Variants in LINGO2 observed in about 807,000 individuals in gnomAD.
LINGO2 encodes the protein leucine rich repeat and Ig domain containing 2.
In LINGO2, 14 loss-of-function variants were observed where a neutral mutation model predicts 30.6. That is an observed-to-expected ratio of 0.46 (90% CI 0.30 to 0.72). LINGO2 has a LOEUF of 0.72. Ranked by LOEUF, LINGO2 falls within the 30% of genes least tolerant of loss-of-function variation. LINGO2 has a pLI of 0.07. For synonymous variants in LINGO2, 317 were observed against 288.5 expected (o/e 1.10, Z -1.00); for missense variants, 729 against 751.7 (o/e 0.97, Z 0.35).
In LINGO2 at chr9:28,592,928, C is replaced by T. The variant is rs140077508; in HGVS notation, c.-365+77272G>A. On this transcript the variant is annotated intron_variant, in intron 1 of 5. Coordinates refer to ENST00000379992, the Ensembl canonical transcript of LINGO2. Reference sequence around the variant, plus strand: ...TTGGCTCTCTGCCACGTGTAACATGCCATTTGAGCCAATGGAACTATGTTC... The same window carrying T: ...TTGGCTCTCTGCCACGTGTAACATGTCATTTGAGCCAATGGAACTATGTTC... Among the ~76,000 whole-genome samples the T allele has an allele frequency of 4.1e-3, 617 of 152,106 alleles. 5 individuals carry two copies. Among genetic ancestry groups the T allele is most frequent in the African/African-American group, 9.8e-3 (406 of 41,520 alleles).
At chr9:29,099,445 A>G in the LINGO2 span, among the ~76,000 whole-genome samples, 3 of 152,342 alleles carry the variant, frequency 2.0e-5, no homozygotes, top group Non-Finnish European at 4.4e-5. Flanking sequence ...GTGAAGATAC[A>G]ACCCATAGAA....
At chr9:27,960,970 C>T (rs901822154) in intron 5 of LINGO2, among the ~76,000 whole-genome samples, 12 of 151,930 alleles carry the variant, frequency 7.9e-5, no homozygotes, top group Non-Finnish European at 1.2e-4. Context: ...AGATGGTCTC[C>T]AATTTATAAT....
the LINGO2 span, among the ~76,000 whole-genome samples, chr9:29,194,255 C>T: frequency 6.6e-6 from 1 of 152,064 alleles, no homozygotes; most frequent in Non-Finnish European, 1.5e-5. Context: ...GGGGAAGCAC[C>T]CCCCGGAGCC....
the LINGO2 span, among the ~76,000 whole-genome samples, chr9:29,156,561 T>C: frequency 1.3e-5 from 2 of 152,140 alleles, no homozygotes; most frequent in African/African-American, 4.8e-5. Flanking sequence ...AGATGGAGTA[T>C]CAATAAATAA....
At chr9:28,065,288 T>C (rs1825279564) in intron 4 of LINGO2, among the ~76,000 whole-genome samples, 1 of 152,118 alleles carries the variant, frequency 6.6e-6, no homozygotes, top group Non-Finnish European at 1.5e-5. Context: ...ATTTGTTTTG[T>C]TCACTGCCAT....
chr9:28,857,980 C>G, the LINGO2 span, among the ~76,000 whole-genome samples: 1 of 151,718 alleles, frequency 6.6e-6, no homozygotes, highest in African/African-American at 2.4e-5. Context: ...CATCCCTGTT[C>G]TAGATATCTA....
the LINGO2 span, among the ~76,000 whole-genome samples, chr9:28,875,728 T>C: frequency 6.6e-5 from 10 of 152,250 alleles, no homozygotes; most frequent in East Asian, 1.9e-3. Flanking sequence ...TTCCTTTTTA[T>C]TAGATTCAGG....
chr9:28,328,234 T>C (rs1037300853), intron 3 of LINGO2, among the ~76,000 whole-genome samples: 2 of 152,188 alleles, frequency 1.3e-5, no homozygotes, highest in Non-Finnish European at 2.9e-5. Context: ...AAGGCAGCTG[T>C]TACTTGCCTT....
chr9:28,755,167 T>C, the LINGO2 span, among the ~76,000 whole-genome samples: 1 of 152,104 alleles, frequency 6.6e-6, no homozygotes, highest in Admixed American at 6.5e-5. Context: ...TTTTATACTT[T>C]TTATTAGAAT....
chr9:28,086,402 T>A lies in LINGO2; in HGVS notation c.-86-73997A>T, dbSNP rs145924291. On this transcript the variant is annotated intron_variant, in intron 4 of 5. Transcript: ENST00000379992. ...GTACAGAGATATAATCTTTACAAGA[T>A]AAGTAGCCAATATAACTAACTTTAA... 3.9e-5 allele frequency among the ~76,000 whole-genome samples: 6 copies of A among 152,232 alleles called. No homozygotes were observed. In the East Asian group the frequency reaches 1.2e-3, roughly 29 times the overall value.
chr9:29,006,817 A>C, the LINGO2 span, among the ~76,000 whole-genome samples: 1 of 152,040 alleles, frequency 6.6e-6, no homozygotes, highest in Non-Finnish European at 1.5e-5. Flanking sequence ...TGAACGAAAA[A>C]TCTCAGCTGT....
At chr9:28,911,572 A>C in the LINGO2 span, among the ~76,000 whole-genome samples, 1 of 152,108 alleles carries the variant, frequency 6.6e-6, no homozygotes, top group East Asian at 1.9e-4. Context: ...ATCATTATTT[A>C]TACATCAAAC....
intron 4 of LINGO2, among the ~76,000 whole-genome samples, chr9:28,243,002 C>G (rs913728127): frequency 1.3e-5 from 2 of 152,160 alleles, no homozygotes; most frequent in South Asian, 4.1e-4. Context: ...AAAACCAGTA[C>G]TAGCCACTGC....
At chr9:29,189,822 C>G in the LINGO2 span, among the ~76,000 whole-genome samples, 1 of 151,942 alleles carries the variant, frequency 6.6e-6, no homozygotes, top group Non-Finnish European at 1.5e-5. Context: ...CCAGCCCGGC[C>G]AACACAGCGA....
chr9:29,146,548 T>C, the LINGO2 span, among the ~76,000 whole-genome samples: 5 of 152,316 alleles, frequency 3.3e-5, no homozygotes, highest in East Asian at 1.9e-4. Flanking sequence ...ATAATTCTTA[T>C]AGAAAACCAG....
intron 5 of LINGO2, among the ~76,000 whole-genome samples, chr9:27,993,953 G>T (rs539522617): frequency 1.3e-5 from 2 of 151,684 alleles, no homozygotes; most frequent in Admixed American, 1.3e-4. Flanking sequence ...ATCTTATTAC[G>T]TGTCTTCTCT....
the LINGO2 span, among the ~76,000 whole-genome samples, chr9:29,117,553 A>G: frequency 6.6e-6 from 1 of 152,084 alleles, no homozygotes; most frequent in Non-Finnish European, 1.5e-5. Context: ...ACTTTAATAC[A>G]CCAGAATCAG....
intron 3 of LINGO2, among the ~76,000 whole-genome samples, chr9:28,310,696 C>A (rs1824579863): frequency 6.6e-6 from 1 of 152,070 alleles, no homozygotes; most frequent in African/African-American, 2.4e-5. Flanking sequence ...TAAAAGTGTA[C>A]ACTTTAAGTA....
the LINGO2 span, among the ~76,000 whole-genome samples, chr9:28,870,669 C>T: frequency 7.9e-5 from 12 of 151,862 alleles, no homozygotes; most frequent in African/African-American, 2.2e-4. Flanking sequence ...GCTTATATAC[C>T]GTACTTGGTG....
Sources: gnomAD v4.1 joint callset for allele counts (sites outside exome capture counted in the v4.1 genomes callset) on GRCh38, gnomAD v4.1.1 for gene constraint, MANE v1.5 for transcripts, NCBI Gene and HGNC (gene_info 2026-07-23, HGNC 2026-07-21) for gene names.